Variants in GRIA1 observed in about 807,000 individuals in gnomAD.
GRIA1 encodes glutamate ionotropic receptor AMPA type subunit 1.
In GRIA1, 31 loss-of-function variants were observed where a neutral mutation model predicts 99.2. The ratio of observed to expected loss-of-function variants is 0.31; its 90% confidence interval spans 0.23 to 0.42. The LOEUF (loss-of-function observed/expected upper bound fraction) is 0.42, where lower values mean the gene tolerates loss of function less well. GRIA1 is among the 10% of genes least tolerant of loss of function. The probability of loss-of-function intolerance (pLI) is 1.00; values close to 1 mark genes in which losing one functional copy is unlikely to be tolerated. For synonymous variants in GRIA1, 438 were observed against 432.4 expected (o/e 1.01, Z -0.16); for missense variants, 782 against 1,157.5 (o/e 0.68, Z 4.71).
rs779444179 is a variant in GRIA1, at chr5:153,811,114, C to T, written c.2610C>T (p.Gly870=). ...ACAGCGGGGCAGGAGCCAGCAGCGG[C>T]GGCAGTGGAGAGAATGGTCGGGTGG... ...PRNSGAGASS[G]GSGENGRVVS... The change falls in exon 16 of 16, where the codon GGC becomes GGT. Residue 870 remains glycine (G), a synonymous_variant. Transcript: ENST00000285900. The T allele has an allele frequency of 1.9e-6, 3 of 1,613,960 alleles. No individual in the cohort carries two copies. The highest frequency in any genetic ancestry group is 1.1e-5 in the South Asian group (1 of 91,070).
At chr5:153,668,524 TAGTAA>T (rs1159330600) in intron 5 of GRIA1, among the ~76,000 whole-genome samples, 1 of 152,238 alleles carries the variant, frequency 6.6e-6, no homozygotes, top group Non-Finnish European at 1.5e-5. Flanking sequence ...ATATGCTAAA[TAGTAA>T]TAGTAAATTA....
At chr5:153,637,641 G>A (rs901969770) in intron 2 of GRIA1, among the ~76,000 whole-genome samples, 4 of 152,146 alleles carry the variant, frequency 2.6e-5, no homozygotes, top group East Asian at 3.9e-4. Flanking sequence ...GGGGAGAAAC[G>A]GCTGAGGAGA....
At chr5:153,539,276 G>A (rs1402433418) in intron 2 of GRIA1, among the ~76,000 whole-genome samples, 4 of 152,108 alleles carry the variant, frequency 2.6e-5, no homozygotes, top group Non-Finnish European at 5.9e-5. Flanking sequence ...ACAAAGCATT[G>A]TTATTATATT....
chr5:153,810,052 T>C (rs1029460590), intron 15 of GRIA1, among the ~76,000 whole-genome samples: 6 of 152,190 alleles, frequency 3.9e-5, no homozygotes, highest in Non-Finnish European at 5.9e-5. Context: ...CAATGGTCTT[T>C]CTCCAAAGGA....
intron 15 of GRIA1, among the ~76,000 whole-genome samples, chr5:153,805,077 G>A (rs900131731): frequency 4.6e-5 from 7 of 152,140 alleles, no homozygotes; most frequent in African/African-American, 1.4e-4. Flanking sequence ...CTATAAAATG[G>A]AGGCAGTGGT....
At chr5:153,706,111 T>TGTTTGTTG in intron 11 of GRIA1, 44 bp downstream of exon 11, 1 of 1,382,930 alleles carries the variant, frequency 7.2e-7, no homozygotes, top group Non-Finnish European at 1.0e-6. Flanking sequence ...GCTATGGTTT[T>TGTTTGTTG]GTTTGTTTGT....
intron 2 of GRIA1, among the ~76,000 whole-genome samples, chr5:153,606,136 A>G (rs1279781763): frequency 1.3e-5 from 2 of 152,148 alleles, no homozygotes; most frequent in African/African-American, 4.8e-5. Context: ...ATAGGGGTCT[A>G]GAATCAATTT....
At chr5:153,671,432 T>C (rs1756166149) in intron 5 of GRIA1, among the ~76,000 whole-genome samples, 1 of 152,186 alleles carries the variant, frequency 6.6e-6, no homozygotes, top group Admixed American at 6.5e-5. Flanking sequence ...TTTTAACCAG[T>C]GCTGGGGTAA....
chr5:153,727,363 A>G (rs981337410), intron 11 of GRIA1, among the ~76,000 whole-genome samples: 4 of 152,186 alleles, frequency 2.6e-5, no homozygotes, highest in Admixed American at 2.6e-4. Context: ...CCTATTCAAC[A>G]TAGTGTTGGA....
At chr5:153,566,195 TG>T (rs778634989) in intron 2 of GRIA1, among the ~76,000 whole-genome samples, 10 of 152,076 alleles carry the variant, frequency 6.6e-5, no homozygotes, top group Non-Finnish European at 1.5e-4. Flanking sequence ...TATCTCATTG[TG>T]GTTTTGATTT....
At chr5:153,801,975 T>C (rs757885083) in intron 14 of GRIA1, among the ~76,000 whole-genome samples, 4 of 146,142 alleles carry the variant, frequency 2.7e-5, no homozygotes, top group Non-Finnish European at 4.5e-5. Flanking sequence ...GGGGCAGGAA[T>C]GGAGCTGAAA....
chr5:153,683,771 T>C (rs1016999125), intron 7 of GRIA1, among the ~76,000 whole-genome samples: 1 of 152,222 alleles, frequency 6.6e-6, no homozygotes, highest in Non-Finnish European at 1.5e-5. Context: ...ATTATCATCA[T>C]TATTATCATC....
At chr5:153,705,093 A>C (rs958435538) in intron 10 of GRIA1, among the ~76,000 whole-genome samples, 1 of 152,226 alleles carries the variant, frequency 6.6e-6, no homozygotes, top group Non-Finnish European at 1.5e-5. Context: ...CTCTGTGTCA[A>C]TACAGAGGGA....
intron 2 of GRIA1, among the ~76,000 whole-genome samples, chr5:153,608,809 C>T (rs552783824): frequency 2.0e-5 from 3 of 151,932 alleles, no homozygotes; most frequent in South Asian, 2.1e-4. Flanking sequence ...TTTTTTACTG[C>T]GTTCTGGACA....
intron 5 of GRIA1, among the ~76,000 whole-genome samples, chr5:153,656,385 A>T (rs868147913): frequency 0.099 from 5,155 of 52,264 alleles, 107 homozygotes; most frequent in Middle Eastern, 0.14. Context: ...AAGTTTGTTT[A>T]TATATATATA....
In GRIA1 at chr5:153,518,802, C is replaced by T. The variant is rs80074125; in HGVS notation, c.220+24737C>T. Among the ~76,000 whole-genome samples the T allele has an allele frequency of 7.5e-4, 114 of 152,110 alleles. 1 individual carries two copies. Among genetic ancestry groups the T allele is most frequent in the Middle Eastern group, 3.4e-3 (1 of 294 alleles). On this transcript the variant is annotated intron_variant, in intron 2 of 15. Transcript: ENST00000285900. Reference sequence around the variant, plus strand: ...GGCAGATGCAGAAATGGAGATACTGCGAGGTTCAAATAACTGGGCCATGGG... The same window carrying T: ...GGCAGATGCAGAAATGGAGATACTGTGAGGTTCAAATAACTGGGCCATGGG...
At chr5:153,543,487 T>A (rs769470253) in intron 2 of GRIA1, among the ~76,000 whole-genome samples, 3 of 152,188 alleles carry the variant, frequency 2.0e-5, no homozygotes, top group Non-Finnish European at 4.4e-5. Flanking sequence ...AGAGCCTACA[T>A]TTAGTAAACT....
At chr5:153,810,829 G>C (rs1230170085) in intron 15 of GRIA1, among the ~76,000 whole-genome samples, 196 bp from the exon 16 acceptor site, 1 of 152,202 alleles carries the variant, frequency 6.6e-6, no homozygotes, top group Non-Finnish European at 1.5e-5. Flanking sequence ...TTGAGGCTAA[G>C]AGAGGGGATC....
chr5:153,572,599 G>A (rs922103086), intron 2 of GRIA1, among the ~76,000 whole-genome samples: 23 of 152,186 alleles, frequency 1.5e-4, no homozygotes, highest in African/African-American at 5.3e-4. Context: ...GTGCCAGGGT[G>A]TTGACAGGCA....
Sources: allele counts gnomAD v4.1 joint callset (sites outside exome capture counted in the v4.1 genomes callset), GRCh38; gene constraint gnomAD v4.1.1; transcripts MANE v1.5; gene names NCBI Gene and HGNC (gene_info 2026-07-23, HGNC 2026-07-21).